The following METTL15 variants were observed in gnomAD, a reference collection of about 807,000 sequenced individuals.
METTL15 encodes the protein methyltransferase 15, mitochondrial 12S rRNA N4-cytidine, also known as 12S rRNA N(4)-cytidine methyltransferase METTL15.
In METTL15, 34 loss-of-function variants were observed where a neutral mutation model predicts 38.3. That is an observed-to-expected ratio of 0.89 (90% CI 0.68 to 1.18). The LOEUF is 1.18. METTL15 is among the 50% of genes most tolerant of loss of function. METTL15 has a pLI of 0.00. For missense variants in METTL15, 438 were observed against 498.4 expected, an observed-to-expected ratio of 0.88 and a Z score of 1.15; for synonymous variants, 162 against 170.9, an observed-to-expected ratio of 0.95 and a Z score of 0.41.
chr11:28,184,681 A>G (rs1288664724), intron 3 of METTL15, among the ~76,000 whole-genome samples: 1 of 151,608 alleles, frequency 6.6e-6, no homozygotes, highest in Admixed American at 6.6e-5. Context: ...ACATTTTAAA[A>G]TTTCAAAAAT....
rs1269437510 is a variant in METTL15 at position 28,210,827 on chromosome 11, C to G, written c.271-235C>G. ...AAATATAAATTTGTCTTGAATTAGC[C>G]AGTCTGTGTTAGAGGTTATTTTACT... On this transcript the variant is annotated intron_variant, in intron 3 of 6. Transcript: ENST00000407364. Among the ~76,000 whole-genome samples, 4 of 151,928 alleles carry G rather than the reference C, an allele frequency of 2.6e-5. No individual in the cohort carries two copies. In the South Asian group the frequency reaches 6.2e-4, roughly 24 times the overall value.
intron 3 of METTL15, among the ~76,000 whole-genome samples, chr11:28,205,579 G>A (rs1468695317): frequency 2.6e-5 from 4 of 152,046 alleles, no homozygotes; most frequent in Non-Finnish European, 5.9e-5. Context: ...GTGTGCATGT[G>A]TCTTTATAGC....
chr11:28,309,658 T>C (rs1056351137), intron 6 of METTL15, among the ~76,000 whole-genome samples: 3 of 152,130 alleles, frequency 2.0e-5, no homozygotes, highest in Admixed American at 2.0e-4. Context: ...ACAAATAACT[T>C]TTTCTCTCTG....
chr11:28,325,590 T>C (rs1849610412), intron 6 of METTL15, among the ~76,000 whole-genome samples: 1 of 152,204 alleles, frequency 6.6e-6, no homozygotes, highest in South Asian at 2.1e-4. Context: ...TCAACAAACA[T>C]TTATTGAGTG....
At chr11:28,405,000 A>G (rs1411724243) in intron 5 of METTL15, among the ~76,000 whole-genome samples, 1 of 152,146 alleles carries the variant, frequency 6.6e-6, no homozygotes, top group Non-Finnish European at 1.5e-5. Flanking sequence ...CCCATAAATG[A>G]TACCAAATAA....
At chr11:28,301,108 C>T (rs1222462344) in intron 6 of METTL15, among the ~76,000 whole-genome samples, 1 of 152,134 alleles carries the variant, frequency 6.6e-6, no homozygotes, top group Admixed American at 6.6e-5. Context: ...GCAACTTCCT[C>T]CATGAACTGG....
chr11:28,386,656 C>A (rs1412735775), intron 5 of METTL15, among the ~76,000 whole-genome samples: 2 of 151,894 alleles, frequency 1.3e-5, no homozygotes, highest in Non-Finnish European at 2.9e-5. Flanking sequence ...GTAGATAGAA[C>A]AACCAGATGC....
At chr11:28,185,945 ATG>A (rs1851478489) in intron 3 of METTL15, among the ~76,000 whole-genome samples, 1 of 150,272 alleles carries the variant, frequency 6.7e-6, no homozygotes. Flanking sequence ...TTTAAAATAT[ATG>A]TGTGCATTCA....
intron 5 of METTL15, among the ~76,000 whole-genome samples, chr11:28,414,809 T>C (rs1850759362): frequency 6.6e-6 from 1 of 152,216 alleles, no homozygotes; most frequent in Non-Finnish European, 1.5e-5. Flanking sequence ...ACTTTTGAAG[T>C]GTTTACTTTT....
At chr11:28,525,753 G>A (rs1027026242) in intron 6 of METTL15, among the ~76,000 whole-genome samples, 6 of 152,262 alleles carry the variant, frequency 3.9e-5, no homozygotes, top group African/African-American at 7.2e-5. Context: ...ATCCCGCACC[G>A]GGGCCGCAGG....
chr11:28,175,628 T>TCTCA (rs1380496360), intron 3 of METTL15, among the ~76,000 whole-genome samples: 8 of 152,156 alleles, frequency 5.3e-5, no homozygotes, highest in South Asian at 2.1e-4. Context: ...TCTCCTCATA[T>TCTCA]CTCAGTAAAT....
intron 6 of METTL15, among the ~76,000 whole-genome samples, chr11:28,441,890 A>C (rs1019727655): frequency 1.3e-5 from 2 of 152,190 alleles, no homozygotes; most frequent in Non-Finnish European, 2.9e-5. Context: ...CATTCTAGAA[A>C]ATACTAATTA....
chr11:28,174,068 T>C (rs1850960555), intron 3 of METTL15, among the ~76,000 whole-genome samples: 2 of 152,222 alleles, frequency 1.3e-5, no homozygotes, highest in Non-Finnish European at 2.9e-5. Flanking sequence ...CTGTACTCTT[T>C]GGGAGGAAGT....
chr11:28,415,055 T>C (rs1433641945), intron 5 of METTL15, among the ~76,000 whole-genome samples: 3 of 152,224 alleles, frequency 2.0e-5, no homozygotes, highest in African/African-American at 7.2e-5. Context: ...GATCATGTCA[T>C]TGGGCACTCC....
At chr11:28,224,949 A>G (rs1853412600) in intron 4 of METTL15, among the ~76,000 whole-genome samples, 1 of 151,684 alleles carries the variant, frequency 6.6e-6, no homozygotes, top group South Asian at 2.1e-4. Context: ...CTAGTGATTT[A>G]GTGACACTAA....
chr11:28,169,366 A>G (rs1425677736), intron 3 of METTL15, among the ~76,000 whole-genome samples: 1 of 152,176 alleles, frequency 6.6e-6, no homozygotes, highest in Non-Finnish European at 1.5e-5. Context: ...AAAGCTTTAG[A>G]TTTAAAACTG....
intron 5 of METTL15, among the ~76,000 whole-genome samples, chr11:28,414,685 G>A (rs1429528159): frequency 6.6e-6 from 1 of 152,118 alleles, no homozygotes; most frequent in African/African-American, 2.4e-5. Context: ...GAACTATTTG[G>A]TGAGGAAAAT....
In METTL15 at chr11:28,438,967, G is replaced by A. The variant is rs967890527; in HGVS notation, c.*424+14603G>A. Among the ~76,000 whole-genome samples, 19 of 151,624 alleles carry A rather than the reference G, an allele frequency of 1.3e-4. 1 individual carries two copies. The highest frequency in any genetic ancestry group is 4.1e-4 in the African/African-American group (17 of 41,252). On this transcript the variant is annotated intron_variant and NMD_transcript_variant, in intron 6 of 7. Coordinates refer to the METTL15 transcript ENST00000532947. ...GCTGGGATTACAAGCGTGAGCCACC[G>A]CGCCCAGCCAGACCACATTTTTAAA... is the stretch of plus-strand genomic sequence containing the variant.
chr11:28,389,790 C>G (rs916773335), intron 5 of METTL15, among the ~76,000 whole-genome samples: 64 of 151,608 alleles, frequency 4.2e-4, no homozygotes, highest in African/African-American at 1.5e-3. Context: ...AGTTCTAGAT[C>G]CCTGAGGAAT....
Sources: allele counts gnomAD v4.1 joint callset (sites outside exome capture counted in the v4.1 genomes callset), GRCh38; gene constraint gnomAD v4.1.1; transcripts MANE v1.5; gene names NCBI Gene and HGNC (gene_info 2026-07-23, HGNC 2026-07-21).